Variants in ZNF599 observed in about 807,000 individuals in gnomAD.
ZNF599 encodes zinc finger protein 599.
In ZNF599, 10 loss-of-function variants were observed where a neutral mutation model predicts 11.7. The ratio of observed to expected loss-of-function variants is 0.86; its 90% CI spans 0.53 to 1.45. ZNF599 has a LOEUF of 1.45. Ranked by LOEUF, ZNF599 falls within the 40% of genes most tolerant of loss-of-function variation. The pLI, the probability that ZNF599 is intolerant of heterozygous loss-of-function variation, is 0.00. For synonymous variants in ZNF599, 232 were observed against 253.2 expected (o/e 0.92, Z 0.79); for missense variants, 688 against 713.6 (o/e 0.96, Z 0.41).
chr19:34,783,416 G>A, the ZNF599 span, among the ~76,000 whole-genome samples: 1 of 152,184 alleles, frequency 6.6e-6, no homozygotes, highest in Admixed American at 6.5e-5. Flanking sequence ...TAAGCTCTGG[G>A]TTATATGGGT....
chr19:34,762,905 T>C (rs992393000), intron 3 of ZNF599: 7 of 152,136 alleles, frequency 4.6e-5, no homozygotes, highest in African/African-American at 1.7e-4. Flanking sequence ...TGTGATAAAA[T>C]ACAAAATTTA....
chr19:34,767,182 G>A (rs766460168), intron 3 of ZNF599, 134 bp downstream of exon 3: 182 of 632,750 alleles, frequency 2.9e-4, no homozygotes, highest in Non-Finnish European at 2.5e-4. Flanking sequence ...GTGGGAAGAC[G>A]GGGGACCATG....
the ZNF599 span, among the ~76,000 whole-genome samples, chr19:34,782,517 G>T: frequency 1.3e-5 from 2 of 152,216 alleles, no homozygotes; most frequent in African/African-American, 2.4e-5. Context: ...TACTGGGCTG[G>T]CCTCAAAACT....
rs1308793075 is a variant in ZNF599, at chr19:34,758,756, G to A, written c.*278C>T. ...TTCCTGACATTTTACCTAAATGCATGTTAACCACCAGGTCTCTCCCCTCGA... is the reference window on the plus strand; with the variant it reads ...TTCCTGACATTTTACCTAAATGCATATTAACCACCAGGTCTCTCCCCTCGA... On this transcript the variant is annotated 3_prime_UTR_variant, in exon 4 of 4. Transcript: ENST00000329285. 1.6e-5 allele frequency: 5 copies of A among 308,220 alleles called. No homozygotes were observed. In the Admixed American group the frequency reaches 1.8e-4, roughly 11 times the overall value. The allele number at this position is 308,220 out of a possible 1,614,324, so 19.1% of individuals were successfully genotyped here.
At chr19:34,799,930 A>G in the ZNF599 span, among the ~76,000 whole-genome samples, 140,637 of 152,316 alleles carry the variant, frequency 0.92, 65,328 homozygotes, top group Middle Eastern at 0.99. Context: ...TCCACTCTAC[A>G]TACTTGTCAG....
At chr19:34,777,380 A>G (rs2069222811), upstream of ZNF599, among the ~76,000 whole-genome samples, 1 of 90,876 alleles carries the variant, frequency 1.1e-5, no homozygotes, top group Non-Finnish European at 2.0e-5. Context: ...TATATTATAT[A>G]TTAATTAATA....
Position 34,760,410 on chromosome 19 carries a change from G to A in ZNF599, c.391C>T (p.Gln131Ter). 1 of 1,614,052 alleles carries A rather than the reference G, an allele frequency of 6.2e-7. No individual in the cohort carries two copies. Among genetic ancestry groups the A allele is most frequent in the South Asian group, 1.1e-5 (1 of 91,070 alleles). The change falls in exon 4 of 4, where the codon CAG (glutamine) becomes TAG (stop). Residue 131 changes from glutamine (Q) to a stop codon, truncating the protein, a stop_gained. Coordinates refer to ENST00000329285, the MANE Select transcript of ZNF599 (RefSeq NM_001007248.3). LOFTEE classifies it low-confidence loss of function (END_TRUNC). ...GTTCCTGGCCTCAAGTTCCCTTCCT[G>A]AATTTTTATTAGCTTTTCCTCATCT... is the stretch of plus-strand genomic sequence containing the variant. ...ARDEEKLIKI[Q>*]EGNLRPGTNP... is the part of the protein sequence containing the mutation.
the ZNF599 span, among the ~76,000 whole-genome samples, chr19:34,786,702 C>T: frequency 1.3e-5 from 2 of 152,140 alleles, no homozygotes; most frequent in Non-Finnish European, 2.9e-5. Context: ...CAATGTCTTA[C>T]TGACAAGGCA....
chr19:34,772,712 C>G (rs1181227634), intron 1 of ZNF599, 112 bp downstream of exon 1: 1 of 1,521,022 alleles, frequency 6.6e-7, no homozygotes, highest in Middle Eastern at 1.7e-4. Flanking sequence ...TCTCCATAAC[C>G]TAGGGCATCA....
chr19:34,772,978 G>A lies in ZNF599; in HGVS notation c.-137C>T, dbSNP rs1424954592. 5.4e-6 allele frequency: 6 copies of A among 1,101,204 alleles called. No homozygotes were observed. Among genetic ancestry groups the A allele is most frequent in the Non-Finnish European group, 6.1e-6 (5 of 816,728 alleles). 68.2% of individuals were successfully genotyped at this position (1,101,204 alleles called of 1,614,324 possible). On this transcript the variant is annotated 5_prime_UTR_variant, in exon 1 of 4. Transcript: ENST00000329285. ...CGTGTAAAATGCACACAAGGTTCGC[G>A]GCGCCGCCTCTGCGCGCCGTGAGGA... is the stretch of plus-strand genomic sequence containing the variant.
chr19:34,802,372 A>G, the ZNF599 span, among the ~76,000 whole-genome samples: 3 of 152,160 alleles, frequency 2.0e-5, no homozygotes, highest in South Asian at 2.1e-4. Flanking sequence ...TCCTCTGCCA[A>G]TGGTTTTTGG....
At chr19:34,783,062 A>ACAGG in the ZNF599 span, among the ~76,000 whole-genome samples, 2 of 152,240 alleles carry the variant, frequency 1.3e-5, no homozygotes, top group African/African-American at 4.8e-5. Context: ...CACATTGACA[A>ACAGG]CAGGCAGGCA....
intron 1 of ZNF599, 44 bp from the exon 2 acceptor site, chr19:34,769,599 G>A (rs746872501): frequency 1.1e-5 from 17 of 1,595,116 alleles, no homozygotes; most frequent in Non-Finnish European, 1.2e-5. Context: ...GGAGCTATTA[G>A]GTGAAATTAC....
the ZNF599 span, among the ~76,000 whole-genome samples, chr19:34,801,019 TG>T: frequency 3.9e-5 from 6 of 152,234 alleles, no homozygotes; most frequent in African/African-American, 1.4e-4. Flanking sequence ...TTTGACCCAA[TG>T]TGTTTTTACT....
upstream of ZNF599, among the ~76,000 whole-genome samples, chr19:34,773,869 G>A (rs1448360969): frequency 6.6e-6 from 1 of 152,146 alleles, no homozygotes; most frequent in African/African-American, 2.4e-5. Flanking sequence ...ATACCGATAA[G>A]AACATAAGAG....
chr19:34,785,860 T>A, the ZNF599 span, among the ~76,000 whole-genome samples: 1 of 152,150 alleles, frequency 6.6e-6, no homozygotes, highest in Non-Finnish European at 1.5e-5. Flanking sequence ...TTGGCCATTG[T>A]CATGGAGAAA....
Position 34,772,964 on chromosome 19 carries a change from C to T in ZNF599, c.-123G>A, listed in dbSNP as rs889726047. The T allele has an allele frequency of 2.5e-6, 3 of 1,212,830 alleles. No individual in the cohort carries two copies. In the East Asian group the frequency reaches 9.2e-5, roughly 37 times the overall value. The allele number at this position is 1,212,830 out of a possible 1,614,324, so 75.1% of individuals were successfully genotyped here. ...TCAGTCCCCGCCGTCGTGTAAAATGCACACAAGGTTCGCGGCGCCGCCTCT... is the reference window on the plus strand; with the variant it reads ...TCAGTCCCCGCCGTCGTGTAAAATGTACACAAGGTTCGCGGCGCCGCCTCT... On this transcript the variant is annotated 5_prime_UTR_variant, in exon 1 of 4. Transcript: ENST00000329285.
In ZNF599 at chr19:34,771,577, G is replaced by A. The variant is rs544842345; in HGVS notation, c.18+1247C>T. On this transcript the variant is annotated intron_variant, in intron 1 of 3. Transcript: ENST00000329285. ...AGGAGCAGCCTTGCAGAGATCTGGC[G>A]ACAATGTGACAGAGAAAATCGTCCA... Among the ~76,000 whole-genome samples the A allele has an allele frequency of 5.3e-5, 8 of 152,298 alleles. No homozygotes were observed. In the East Asian group the frequency reaches 1.2e-3, roughly 22 times the overall value.
chr19:34,800,592 T>TG, the ZNF599 span, among the ~76,000 whole-genome samples: 3 of 146,370 alleles, frequency 2.0e-5, no homozygotes, highest in Non-Finnish European at 4.5e-5. Context: ...CTTTGTTTTT[T>TG]TTTTTTTTTT....
Sources: allele counts gnomAD v4.1 joint callset (sites outside exome capture counted in the v4.1 genomes callset), GRCh38; gene constraint gnomAD v4.1.1; transcripts MANE v1.5; gene names NCBI Gene and HGNC (gene_info 2026-07-23, HGNC 2026-07-21).